Variants in ADAMTSL1 observed in about 807,000 individuals in gnomAD.
ADAMTSL1 encodes ADAMTS-like protein 1.
A neutral mutation model predicts 201.8 loss-of-function variants in ADAMTSL1; 126 were observed. The ratio of observed to expected loss-of-function variants is 0.62; its 90% confidence interval spans 0.54 to 0.72. ADAMTSL1 has a LOEUF of 0.72. ADAMTSL1 is among the 30% of genes least tolerant of loss of function. The pLI, the probability that ADAMTSL1 is intolerant of heterozygous loss-of-function variation, is 0.00. For synonymous variants in ADAMTSL1, 1,121 were observed against 903.4 expected (o/e 1.24, Z -4.32); for missense variants, 2,679 against 2,277.8 (o/e 1.18, Z -3.59).
At chr9:18,858,528 G>T (rs951288096) in intron 23 of ADAMTSL1, among the ~76,000 whole-genome samples, 13 of 152,236 alleles carry the variant, frequency 8.5e-5, no homozygotes, top group African/African-American at 2.9e-4. Flanking sequence ...ATGAGGAATT[G>T]CTGAGGATTT....
intron 1 of ADAMTSL1, among the ~76,000 whole-genome samples, chr9:17,927,937 G>A (rs1001394181): frequency 6.6e-6 from 1 of 151,664 alleles, no homozygotes; most frequent in South Asian, 2.1e-4. Flanking sequence ...ATGTTGCTAT[G>A]AAATTGATGT....
intron 1 of ADAMTSL1, among the ~76,000 whole-genome samples, chr9:18,151,649 A>T (rs991095093): frequency 2.0e-5 from 3 of 152,082 alleles, no homozygotes; most frequent in Admixed American, 6.6e-5. Flanking sequence ...CAGCATGATC[A>T]GTAGGTTAGG....
At position 18,725,302 on chromosome 9, in the gene ADAMTSL1, G is replaced by A. The variant is rs1209621029; in HGVS notation, c.2006+3637G>A. ...TTAATAGAAAAGAGAGGGACAGATG[G>A]AGGTTAAGTAAGTTATAGGCATTAC... On this transcript the variant is annotated intron_variant, in intron 15 of 28. Coordinates refer to ENST00000380548, the MANE Select transcript of ADAMTSL1 (RefSeq NM_001040272.6). Among the ~76,000 whole-genome samples the A allele has an allele frequency of 3.3e-5, 5 of 152,220 alleles. No homozygotes were observed. In the East Asian group the frequency reaches 5.8e-4, roughly 18 times the overall value.
intron 1 of ADAMTSL1, among the ~76,000 whole-genome samples, chr9:17,935,191 A>G (rs1161269263): frequency 1.3e-5 from 2 of 152,016 alleles, no homozygotes; most frequent in Admixed American, 6.6e-5. Flanking sequence ...TTACCACTTT[A>G]ACACACACAG....
At chr9:18,648,794 G>A (rs1450936905) in intron 7 of ADAMTSL1, among the ~76,000 whole-genome samples, 2 of 151,874 alleles carry the variant, frequency 1.3e-5, no homozygotes, top group Admixed American at 6.6e-5. Context: ...TGGGTAACCC[G>A]ACCTTTCTCT....
In ADAMTSL1 at chr9:17,940,737, GA is replaced by G. The variant is rs554745621; in HGVS notation, c.87+33823del. Among the ~76,000 whole-genome samples the G allele has an allele frequency of 5.2e-3, 467 of 89,258 alleles. 6 individuals carry two copies. The highest frequency in any genetic ancestry group is 0.018 in the African/African-American group (447 of 24,240). The allele number at this position is 89,258 out of a possible 152,430, so 58.6% of individuals were successfully genotyped here. A position where few individuals can be genotyped will look rare whatever the true frequency, so the allele number is the denominator to read the frequency against. The stretch of plus-strand genomic sequence containing the variant: ...CAAAAAAAAAAAAAAAGAAAAAAAA[GA>G]AAAAAAATGAGACCCTAACTCGAAA... On this transcript the variant is annotated intron_variant, in intron 1 of 29. Transcript: ENST00000680146.
chr9:18,176,664 C>A (rs908062404), intron 2 of ADAMTSL1, among the ~76,000 whole-genome samples: 2 of 152,058 alleles, frequency 1.3e-5, no homozygotes, highest in African/African-American at 2.4e-5. Flanking sequence ...ACTTAACAAC[C>A]ATTTACTGAG....
chr9:18,906,105 C>G (rs915093783), intron 27 of ADAMTSL1, among the ~76,000 whole-genome samples: 2 of 152,168 alleles, frequency 1.3e-5, no homozygotes, highest in Non-Finnish European at 2.9e-5. Flanking sequence ...GGGCTTTTCT[C>G]TCTTAGTGAT....
At chr9:18,820,557 T>C (rs1824148356) in intron 21 of ADAMTSL1, among the ~76,000 whole-genome samples, 1 of 152,262 alleles carries the variant, frequency 6.6e-6, no homozygotes, top group Admixed American at 6.5e-5. Flanking sequence ...AACATTTGTC[T>C]GTGTCATAAG....
chr9:18,376,047 G>T (rs2133154854), intron 2 of ADAMTSL1, among the ~76,000 whole-genome samples: 1 of 152,268 alleles, frequency 6.6e-6, no homozygotes, highest in Non-Finnish European at 1.5e-5. Context: ...AAACAGAAAA[G>T]TTCTCCAAGT....
At chr9:17,946,996 T>C (rs1407403765) in intron 1 of ADAMTSL1, among the ~76,000 whole-genome samples, 1 of 152,068 alleles carries the variant, frequency 6.6e-6, no homozygotes, top group East Asian at 1.9e-4. Flanking sequence ...CTACAAGTTT[T>C]CTAAAATCCA....
intron 1 of ADAMTSL1, among the ~76,000 whole-genome samples, chr9:18,015,393 A>G (rs902400993): frequency 1.3e-5 from 2 of 152,104 alleles, no homozygotes; most frequent in Non-Finnish European, 2.9e-5. Flanking sequence ...GCCTCTAGCT[A>G]TTAACAACTC....
intron 26 of ADAMTSL1, among the ~76,000 whole-genome samples, chr9:18,896,218 C>T (rs1233697586): frequency 6.6e-6 from 1 of 152,060 alleles, no homozygotes; most frequent in African/African-American, 2.4e-5. Context: ...TCTACAAATC[C>T]AAGAAGCTAA....
chr9:18,239,012 C>G (rs1033595322), intron 2 of ADAMTSL1, among the ~76,000 whole-genome samples: 1 of 152,170 alleles, frequency 6.6e-6, no homozygotes, highest in Non-Finnish European at 1.5e-5. Flanking sequence ...ATACTGTAAT[C>G]TATTAAGTTT....
intron 2 of ADAMTSL1, among the ~76,000 whole-genome samples, chr9:18,406,512 G>A (rs139741271): frequency 0.12 from 17,780 of 151,620 alleles, 1,403 homozygotes; most frequent in South Asian, 0.23. Flanking sequence ...TGTATTTTTC[G>A]TAGAGACAGG....
intron 1 of ADAMTSL1, among the ~76,000 whole-genome samples, chr9:18,475,995 T>C (rs60288112): frequency 6.6e-6 from 1 of 152,132 alleles, no homozygotes; most frequent in Non-Finnish European, 1.5e-5. Flanking sequence ...TGAAAAGGTA[T>C]GTATGCTTAT....
intron 2 of ADAMTSL1, among the ~76,000 whole-genome samples, chr9:18,452,448 T>C (rs898462011): frequency 1.3e-5 from 2 of 152,196 alleles, no homozygotes; most frequent in Non-Finnish European, 2.9e-5. Flanking sequence ...GCAATGTGCA[T>C]TCATTCCATT....
At chr9:18,764,112 C>T (rs2133681400) in intron 16 of ADAMTSL1, among the ~76,000 whole-genome samples, 1 of 152,226 alleles carries the variant, frequency 6.6e-6, no homozygotes, top group Non-Finnish European at 1.5e-5. Flanking sequence ...CATATTGATC[C>T]TTCCAATCCA....
At chr9:18,607,129 T>C (rs1370097887) in intron 4 of ADAMTSL1, among the ~76,000 whole-genome samples, 1 of 152,236 alleles carries the variant, frequency 6.6e-6, no homozygotes, top group Non-Finnish European at 1.5e-5. Context: ...ACTCAATGCC[T>C]AAATGTTGTG....
Sources: allele counts gnomAD v4.1 joint callset (sites outside exome capture counted in the v4.1 genomes callset), GRCh38; gene constraint gnomAD v4.1.1; transcripts MANE v1.5; gene names NCBI Gene and HGNC (gene_info 2026-07-23, HGNC 2026-07-21).